Variants in EBF1 observed in about 807,000 individuals in gnomAD.
The protein encoded by EBF1 is EBF transcription factor 1.
Under a neutral mutation model 68.4 loss-of-function variants are expected in EBF1, and 10 were observed. The ratio of observed to expected loss-of-function variants is 0.15; its 90% confidence interval spans 0.09 to 0.25. The LOEUF (loss-of-function observed/expected upper bound fraction) is 0.25. EBF1 is among the 10% of genes least tolerant of loss of function. The pLI is 1.00. For missense variants in EBF1, 509 were observed against 794.4 expected (o/e 0.64, Z 4.32); for synonymous variants, 298 against 299.8 (o/e 0.99, Z 0.06).
rs185247838 is a variant in EBF1 at position 158,732,876 on chromosome 5, C to T, written c.1037-1719G>A. ...CAAATATGAGATTTAGTTAACCCTC[C>T]CCCCATTTCCAAACAGTAAACTTTC... On this transcript the variant is annotated intron_variant, in intron 10 of 15. Coordinates refer to ENST00000313708, the MANE Select transcript of EBF1 (RefSeq NM_024007.5). Among the ~76,000 whole-genome samples the T allele has an allele frequency of 4.2e-3, 644 of 152,108 alleles. 3 individuals carry two copies. Among genetic ancestry groups the T allele is most frequent in the African/African-American group, 0.015 (605 of 41,496 alleles).
At chr5:158,812,892 T>C (rs1381063863) in intron 8 of EBF1, among the ~76,000 whole-genome samples, 1 of 152,002 alleles carries the variant, frequency 6.6e-6, no homozygotes, top group African/African-American at 2.4e-5. Context: ...AGCTTGGGAG[T>C]TTTATTTTTT....
chr5:159,084,101 T>G (rs1319652395), intron 5 of EBF1, among the ~76,000 whole-genome samples: 8 of 151,986 alleles, frequency 5.3e-5, no homozygotes, highest in Non-Finnish European at 2.9e-5. Flanking sequence ...GCTCACTACC[T>G]CTGCGAAGTA....
chr5:159,077,599 C>A (rs1050506644), intron 5 of EBF1, among the ~76,000 whole-genome samples: 2 of 152,084 alleles, frequency 1.3e-5, no homozygotes, highest in Non-Finnish European at 2.9e-5. Flanking sequence ...ACCCCAGCAA[C>A]TAGAACTGAG....
intron 11 of EBF1, among the ~76,000 whole-genome samples, chr5:158,727,550 T>C (rs901490064): frequency 3.9e-5 from 6 of 152,206 alleles, no homozygotes; most frequent in Non-Finnish European, 8.8e-5. Context: ...CGAAACTGTA[T>C]GAAACAGAAC....
intron 9 of EBF1, among the ~76,000 whole-genome samples, chr5:158,786,242 G>A (rs1485133783): frequency 2.0e-5 from 3 of 151,950 alleles, no homozygotes; most frequent in Non-Finnish European, 2.9e-5. Flanking sequence ...ATACTGCCCA[G>A]TTCTGACCAG....
chr5:159,073,515 A>C (rs1423513815), intron 5 of EBF1, 51 bp from the exon 6 acceptor site: 1 of 1,603,666 alleles, frequency 6.2e-7, no homozygotes, highest in Non-Finnish European at 8.5e-7. Context: ...ATGTAAAATC[A>C]TCATTTAGGC....
chr5:158,785,636 T>TA (rs2127711048), intron 9 of EBF1, among the ~76,000 whole-genome samples: 1 of 152,334 alleles, frequency 6.6e-6, no homozygotes, highest in East Asian at 1.9e-4. Context: ...TTTTGTCCTT[T>TA]CAAGAAAATA....
chr5:159,045,035 G>A (rs1429597049), intron 6 of EBF1, among the ~76,000 whole-genome samples: 1 of 152,034 alleles, frequency 6.6e-6, no homozygotes, highest in African/African-American at 2.4e-5. Flanking sequence ...AAATATTTGA[G>A]TGTCTTTTAT....
chr5:158,790,116 C>T (rs1247919848), intron 9 of EBF1, among the ~76,000 whole-genome samples: 2 of 152,156 alleles, frequency 1.3e-5, no homozygotes, highest in Non-Finnish European at 2.9e-5. Context: ...TGGATAAAGA[C>T]AACGAGGAGA....
intron 8 of EBF1, among the ~76,000 whole-genome samples, chr5:158,821,223 G>T (rs1425298002): frequency 6.6e-6 from 1 of 152,078 alleles, no homozygotes; most frequent in Non-Finnish European, 1.5e-5. Flanking sequence ...AAGCTAAAGC[G>T]ATTTGTCCAA....
At chr5:158,846,946 A>T (rs1791639844) in intron 6 of EBF1, among the ~76,000 whole-genome samples, 1 of 152,178 alleles carries the variant, frequency 6.6e-6, no homozygotes, top group South Asian at 2.1e-4. Context: ...TTCTGCACAG[A>T]TGAAGCAAAT....
chr5:158,881,335 A>G (rs1347050306), intron 6 of EBF1, among the ~76,000 whole-genome samples: 1 of 152,206 alleles, frequency 6.6e-6, no homozygotes, highest in African/African-American at 2.4e-5. Flanking sequence ...GCCCCAAGCT[A>G]CTTAGATTCT....
chr5:158,851,784 G>T, intron 6 of EBF1, among the ~76,000 whole-genome samples: 1 of 111,676 alleles, frequency 9.0e-6, no homozygotes, highest in African/African-American at 3.6e-5. Context: ...GAAGAGAAAG[G>T]AAGGGAAGGA....
intron 6 of EBF1, among the ~76,000 whole-genome samples, chr5:159,028,849 A>G (rs1489146662): frequency 6.6e-6 from 1 of 152,232 alleles, no homozygotes; most frequent in Non-Finnish European, 1.5e-5. Context: ...TCTTGAAAGA[A>G]GGAACAGCAA....
At chr5:158,903,210 G>T (rs934552580) in intron 6 of EBF1, among the ~76,000 whole-genome samples, 8 of 152,034 alleles carry the variant, frequency 5.3e-5, no homozygotes. Context: ...CCCTTCCCCG[G>T]GTCAGCTCAT....
At chr5:158,907,463 C>T (rs1253908260) in intron 6 of EBF1, among the ~76,000 whole-genome samples, 1 of 152,058 alleles carries the variant, frequency 6.6e-6, no homozygotes, top group African/African-American at 2.4e-5. Context: ...GCTAGATACC[C>T]AATTAACATC....
chr5:158,919,870 T>A (rs1230765502), intron 6 of EBF1, among the ~76,000 whole-genome samples: 5 of 152,200 alleles, frequency 3.3e-5, no homozygotes, highest in African/African-American at 1.2e-4. Flanking sequence ...ACTTTCCAAC[T>A]GAACAGGGCT....
At chr5:158,747,126 G>A (rs180671205) in intron 10 of EBF1, among the ~76,000 whole-genome samples, 1 of 152,188 alleles carries the variant, frequency 6.6e-6, no homozygotes, top group East Asian at 1.9e-4. Flanking sequence ...AACACAACCA[G>A]GCTTGGAAAG....
chr5:158,828,850 C>A (rs1039925186), intron 7 of EBF1, among the ~76,000 whole-genome samples: 1 of 152,094 alleles, frequency 6.6e-6, no homozygotes, highest in Non-Finnish European at 1.5e-5. Context: ...TATCATTTTG[C>A]AATTTAAGAA....
Sources: allele counts gnomAD v4.1 joint callset (sites outside exome capture counted in the v4.1 genomes callset), GRCh38; gene constraint gnomAD v4.1.1; transcripts MANE v1.5; gene names NCBI Gene and HGNC (gene_info 2026-07-23, HGNC 2026-07-21).